The following FAF1 variants were observed in gnomAD, a reference collection of about 807,000 sequenced individuals.
FAF1 encodes the protein FAS-associated factor 1.
FAF1 carries 25 observed loss-of-function variants against 92.5 expected under a neutral mutation model. The observed-to-expected ratio is 0.27, with a 90% CI of 0.20 to 0.38. The LOEUF is 0.38. Ranked by LOEUF, FAF1 falls within the 10% of genes least tolerant of loss-of-function variation. The pLI is 1.00. For missense variants in FAF1, 636 were observed against 793.3 expected, an observed-to-expected ratio of 0.80 and a Z score of 2.38; for synonymous variants, 234 against 273.2, an observed-to-expected ratio of 0.86 and a Z score of 1.42.
chr1:50,556,856 T>TATACA (rs1649610117), intron 13 of FAF1, among the ~76,000 whole-genome samples: 1 of 151,152 alleles, frequency 6.6e-6, no homozygotes. Flanking sequence ...AATAAAATAA[T>TATACA]ATAAAATAAA....
chr1:50,623,920 A>G (rs1653332467), intron 8 of FAF1, among the ~76,000 whole-genome samples: 1 of 151,986 alleles, frequency 6.6e-6, no homozygotes, highest in Admixed American at 6.6e-5. Flanking sequence ...CTTGGGTGAC[A>G]GAGCGAGACC....
rs776482712 is a variant in FAF1, at chr1:50,686,839, G to T, written c.657+18947C>A. Among the ~76,000 whole-genome samples, 5 of 151,754 alleles carry T rather than the reference G, an allele frequency of 3.3e-5. No homozygotes were observed. In the South Asian group the frequency reaches 6.3e-4, roughly 19 times the overall value. On this transcript the variant is annotated intron_variant, in intron 7 of 18. Transcript: ENST00000396153. ...TTGAAACTTGTTTTTCTTTTTTGGG[G>T]TTTTTTTTACACAGCACCACATTCT...
At chr1:50,867,868 A>T (rs1293161074) in intron 1 of FAF1, among the ~76,000 whole-genome samples, 2 of 152,068 alleles carry the variant, frequency 1.3e-5, no homozygotes, top group Non-Finnish European at 2.9e-5. Context: ...TATGAAAAAG[A>T]CTCTTGCACA....
intron 2 of FAF1, among the ~76,000 whole-genome samples, chr1:50,803,367 A>G (rs898123123): frequency 3.3e-5 from 5 of 152,218 alleles, no homozygotes; most frequent in African/African-American, 1.2e-4. Flanking sequence ...CAGAAAGTCT[A>G]AAGTCTGAAA....
intron 1 of FAF1, among the ~76,000 whole-genome samples, chr1:50,919,860 C>T (rs1280102964): frequency 6.6e-6 from 1 of 152,074 alleles, no homozygotes; most frequent in Non-Finnish European, 1.5e-5. Flanking sequence ...ATGTTGTAAT[C>T]TCTAGAACAA....
At position 50,583,630 on chromosome 1, in the gene FAF1, ATAGT is replaced by A. The variant is rs754983809; in HGVS notation, c.1031+18_1031+21del. Reference sequence around the variant, plus strand: ...TAGCATAAAACAGCATCAAATTTATATAGTTAATGTCCTAACCCTACCTTGAAGA... The same window carrying A: ...TAGCATAAAACAGCATCAAATTTATATAATGTCCTAACCCTACCTTGAAGA... On this transcript the variant is annotated intron_variant, in intron 11 of 18. Coordinates refer to ENST00000396153, the MANE Select transcript of FAF1 (RefSeq NM_007051.3). This position sits in a 1 kb window ranked among gnomAD's most constrained non-coding sequence, Gnocchi z 4.2. 4 of 1,422,896 alleles carry A rather than the reference ATAGT, an allele frequency of 2.8e-6. No homozygotes were observed. The South Asian group carries it at 5.9e-5, about 21-fold the overall frequency. The allele number at this position is 1,422,896 out of a possible 1,614,324, so 88.1% of individuals were successfully genotyped here.
chr1:50,629,335 A>G (rs972401732), intron 8 of FAF1, among the ~76,000 whole-genome samples: 3 of 152,042 alleles, frequency 2.0e-5, no homozygotes, highest in African/African-American at 7.2e-5. Flanking sequence ...ACGCCCAGCT[A>G]AGTGTTGTAT....
chr1:50,540,821 C>T (rs1441936305), intron 13 of FAF1, among the ~76,000 whole-genome samples: 1 of 152,102 alleles, frequency 6.6e-6, no homozygotes, highest in Non-Finnish European at 1.5e-5. Context: ...AAATAATGGA[C>T]TTTTAATAAC....
intron 13 of FAF1, among the ~76,000 whole-genome samples, chr1:50,544,560 A>G (rs1161248325): frequency 6.6e-6 from 1 of 152,214 alleles, no homozygotes; most frequent in African/African-American, 2.4e-5. Context: ...AATCATCATA[A>G]AAATATTTTG....
intron 17 of FAF1, among the ~76,000 whole-genome samples, chr1:50,480,139 G>A (rs1028523840): frequency 6.6e-6 from 1 of 152,174 alleles, no homozygotes; most frequent in African/African-American, 2.4e-5. Context: ...AATATGAACT[G>A]ATCTGGTACT....
intron 2 of FAF1, among the ~76,000 whole-genome samples, chr1:50,819,270 GAT>G (rs1208150458): frequency 6.6e-6 from 1 of 151,940 alleles, no homozygotes; most frequent in African/African-American, 2.4e-5. Context: ...TTGGCCACAT[GAT>G]ATATATGTGT....
chr1:50,492,509 A>C (rs1646851624), intron 15 of FAF1, among the ~76,000 whole-genome samples: 1 of 152,250 alleles, frequency 6.6e-6, no homozygotes, highest in Non-Finnish European at 1.5e-5. Flanking sequence ...GAATTCATTT[A>C]AAATTAAAAG....
chr1:50,810,083 C>G (rs566960149), intron 2 of FAF1, among the ~76,000 whole-genome samples: 5 of 152,022 alleles, frequency 3.3e-5, no homozygotes, highest in Non-Finnish European at 7.4e-5. Flanking sequence ...TGGTGAAACC[C>G]CATCTCTACT....
chr1:50,603,466 A>G (rs1572862999), intron 8 of FAF1, among the ~76,000 whole-genome samples: 1 of 152,226 alleles, frequency 6.6e-6, no homozygotes, highest in Non-Finnish European at 1.5e-5. Context: ...TGACTTCTAG[A>G]ATACCCCTTT....
intron 5 of FAF1, among the ~76,000 whole-genome samples, chr1:50,739,259 T>C (rs920155459): frequency 6.6e-6 from 1 of 152,120 alleles, no homozygotes; most frequent in Non-Finnish European, 1.5e-5. Context: ...TCTATATATG[T>C]GCATGTGTAC....
At chr1:50,443,060 CAG>C (rs1338806898) in intron 18 of FAF1, among the ~76,000 whole-genome samples, 1 of 152,224 alleles carries the variant, frequency 6.6e-6, no homozygotes, top group Non-Finnish European at 1.5e-5. Context: ...TGTCAACAAA[CAG>C]AGCTACTCTG....
chr1:50,630,357 C>G (rs1569625518), intron 8 of FAF1, among the ~76,000 whole-genome samples: 1 of 152,132 alleles, frequency 6.6e-6, no homozygotes, highest in African/African-American at 2.4e-5. Flanking sequence ...TTCATTACAT[C>G]TGAAATTTAC....
At chr1:50,612,564 C>T in intron 8 of FAF1, 1 of 687,822 alleles carries the variant, frequency 1.5e-6, no homozygotes, top group Non-Finnish European at 1.8e-6. Context: ...ATTTACCCCT[C>T]AACACTGTGG....
intron 1 of FAF1, among the ~76,000 whole-genome samples, chr1:50,879,255 C>T (rs1644593206): frequency 1.3e-5 from 2 of 149,094 alleles, no homozygotes; most frequent in African/African-American, 4.9e-5. Context: ...AAAAAATAAA[C>T]AAATGAATGA....
Sources: gnomAD v4.1 joint callset for allele counts (sites outside exome capture counted in the v4.1 genomes callset) on GRCh38, gnomAD v4.1.1 for gene constraint, Gnocchi (gnomAD v3.1) non-coding constraint, MANE v1.5 for transcripts, NCBI Gene and HGNC (gene_info 2026-07-23, HGNC 2026-07-21) for gene names.